The following FSD1L variants were observed in gnomAD, a reference collection of about 807,000 sequenced individuals.
FSD1L encodes the protein FSD1-like protein.
In FSD1L, 45 loss-of-function variants were observed where a neutral mutation model predicts 71.6. The observed-to-expected ratio is 0.63, with a 90% confidence interval of 0.49 to 0.81. The LOEUF is 0.81. FSD1L is among the 30% of genes least tolerant of loss of function. The probability of loss-of-function intolerance (pLI) is 0.00; values close to 1 mark genes in which losing one functional copy is unlikely to be tolerated. For missense variants in FSD1L, 561 were observed against 618.1 expected (o/e 0.91, Z 0.98); for synonymous variants, 197 against 207.2 (o/e 0.95, Z 0.42).
At chr9:105,495,094 C>A (rs925618299) in intron 7 of FSD1L, among the ~76,000 whole-genome samples, 1 of 152,194 alleles carries the variant, frequency 6.6e-6, no homozygotes, top group African/African-American at 2.4e-5. Flanking sequence ...CTGTGCCCTG[C>A]CCCCAGAGGT....
intron 10 of FSD1L, among the ~76,000 whole-genome samples, chr9:105,533,179 A>T (rs1026214867): frequency 6.6e-6 from 1 of 152,092 alleles, no homozygotes; most frequent in African/African-American, 2.4e-5. Context: ...TGACCAAAAA[A>T]TCTTTTGTTA....
chr9:105,490,420 A>C (rs1278263254), intron 7 of FSD1L, among the ~76,000 whole-genome samples: 1 of 152,066 alleles, frequency 6.6e-6, no homozygotes, highest in South Asian at 2.1e-4. Flanking sequence ...TTGTCAGATG[A>C]GTAGGTTGCG....
intron 13 of FSD1L, among the ~76,000 whole-genome samples, chr9:105,541,940 G>T (rs1160508019): frequency 3.9e-5 from 6 of 152,164 alleles, no homozygotes; most frequent in African/African-American, 7.2e-5. Context: ...CCATGTTGTT[G>T]TGGTGTCAGT....
chr9:105,525,716 A>G (rs945016505), intron 10 of FSD1L: 4 of 1,605,268 alleles, frequency 2.5e-6, no homozygotes, highest in Non-Finnish European at 3.4e-6. Context: ...GAAGACAAAC[A>G]CTCCATTCTC....
chr9:105,539,169 T>C (rs930282537), intron 12 of FSD1L, 94 bp from the exon 13 acceptor site: 4 of 637,718 alleles, frequency 6.3e-6, no homozygotes, highest in Non-Finnish European at 1.1e-5. Flanking sequence ...TGCCAACTTA[T>C]ATATTATTAC....
intron 4 of FSD1L, among the ~76,000 whole-genome samples, chr9:105,468,862 T>C (rs1029044322): frequency 2.0e-5 from 3 of 152,202 alleles, no homozygotes; most frequent in African/African-American, 7.2e-5. Context: ...CACATTTTTG[T>C]ATAACAGATC....
At chr9:105,526,383 G>A (rs540985623) in intron 10 of FSD1L, 1 of 1,613,106 alleles carries the variant, frequency 6.2e-7, no homozygotes, top group South Asian at 1.1e-5. Flanking sequence ...TTATCTGAAG[G>A]CTCCTACCCA....
intron 7 of FSD1L, among the ~76,000 whole-genome samples, chr9:105,492,740 C>T (rs2131757015): frequency 6.6e-6 from 1 of 152,172 alleles, no homozygotes; most frequent in Admixed American, 6.5e-5. Flanking sequence ...TTTATTTCTG[C>T]CGTCATTTTG....
intron 7 of FSD1L, among the ~76,000 whole-genome samples, chr9:105,494,782 C>G (rs927134261): frequency 3.3e-5 from 5 of 152,150 alleles, no homozygotes; most frequent in Non-Finnish European, 5.9e-5. Flanking sequence ...CCCTGTTTGC[C>G]TGGGTACCAG....
chr9:105,483,444 A>T (rs1832339622), intron 6 of FSD1L, among the ~76,000 whole-genome samples: 1 of 152,082 alleles, frequency 6.6e-6, no homozygotes, highest in African/African-American at 2.4e-5. Flanking sequence ...TTCCCCTTCC[A>T]AATTGTGTAC....
intron 10 of FSD1L, chr9:105,524,464 T>C: frequency 6.2e-7 from 1 of 1,613,422 alleles, no homozygotes; most frequent in African/African-American, 1.3e-5. Context: ...GCCTTACCTC[T>C]AAAGACACTG....
At chr9:105,532,198 A>T (rs1259617989) in intron 10 of FSD1L, among the ~76,000 whole-genome samples, 1 of 152,196 alleles carries the variant, frequency 6.6e-6, no homozygotes, top group Admixed American at 6.5e-5. Context: ...TTAAACTTTG[A>T]GGCAAATGTA....
chr9:105,452,180 T>A (rs531049208), intron 1 of FSD1L, among the ~76,000 whole-genome samples: 1 of 152,314 alleles, frequency 6.6e-6, no homozygotes, highest in South Asian at 2.1e-4. Flanking sequence ...CTCCAAGCTA[T>A]GTGCTATTCT....
At chr9:105,484,996 T>G (rs2131711406) in intron 7 of FSD1L, among the ~76,000 whole-genome samples, 1 of 152,352 alleles carries the variant, frequency 6.6e-6, no homozygotes, top group Middle Eastern at 3.4e-3. Context: ...TTATTGTGGT[T>G]GTTGGCTCAG....
At chr9:105,531,923 A>C (rs2131473863) in intron 10 of FSD1L, among the ~76,000 whole-genome samples, 1 of 152,306 alleles carries the variant, frequency 6.6e-6, no homozygotes, top group Middle Eastern at 3.4e-3. Context: ...TTAATGTTGC[A>C]TCTAAAACAT....
chr9:105,488,299 T>C (rs1588990025), intron 7 of FSD1L, among the ~76,000 whole-genome samples: 1 of 152,220 alleles, frequency 6.6e-6, no homozygotes, highest in Non-Finnish European at 1.5e-5. Flanking sequence ...TTCACATTGC[T>C]TTCTTTTACT....
chr9:105,454,879 G>A (rs1317496477), intron 1 of FSD1L, among the ~76,000 whole-genome samples: 1 of 152,190 alleles, frequency 6.6e-6, no homozygotes, highest in East Asian at 1.9e-4. Flanking sequence ...GGCTGTCTCA[G>A]TTACATCTGT....
chr9:105,450,462 C>T (rs1659366745), intron 1 of FSD1L, among the ~76,000 whole-genome samples: 1 of 151,926 alleles, frequency 6.6e-6, no homozygotes, highest in South Asian at 2.1e-4. Context: ...GCTCTGTCTC[C>T]ATTTCTTCAT....
chr9:105,544,542 G>T (rs1006031782), intron 13 of FSD1L, among the ~76,000 whole-genome samples: 1 of 152,118 alleles, frequency 6.6e-6, no homozygotes, highest in African/African-American at 2.4e-5. Context: ...TTTTCTTCTA[G>T]GGTTTTTATG....
Sources: gnomAD v4.1 joint callset for allele counts (sites outside exome capture counted in the v4.1 genomes callset) on GRCh38, gnomAD v4.1.1 for gene constraint, MANE v1.5 for transcripts, NCBI Gene and HGNC (gene_info 2026-07-23, HGNC 2026-07-21) for gene names.